The following KCNT2 variants were observed in gnomAD, a reference collection of about 807,000 sequenced individuals.
KCNT2 encodes potassium sodium-activated channel subfamily T member 2.
A neutral mutation model predicts 153.8 loss-of-function variants in KCNT2; 67 were observed. The ratio of observed to expected loss-of-function variants is 0.44; its 90% confidence interval spans 0.36 to 0.53. The LOEUF (loss-of-function observed/expected upper bound fraction) is 0.53, where lower values mean the gene tolerates loss of function less well. KCNT2 is among the 20% of genes least tolerant of loss of function. The probability of loss-of-function intolerance (pLI) is 0.00; values close to 1 mark genes in which losing one functional copy is unlikely to be tolerated. For synonymous variants in KCNT2, 500 were observed against 458.8 expected (o/e 1.09, Z -1.15); for missense variants, 975 against 1,354.8 (o/e 0.72, Z 4.40).
chr1:196,433,347 A>G (rs1674327742), intron 8 of KCNT2, among the ~76,000 whole-genome samples: 1 of 152,138 alleles, frequency 6.6e-6, no homozygotes, highest in Non-Finnish European at 1.5e-5. Flanking sequence ...GATAAACAGC[A>G]AAAACATGTT....
chr1:196,394,784 T>C (rs997940256), intron 13 of KCNT2, among the ~76,000 whole-genome samples: 7 of 151,632 alleles, frequency 4.6e-5, no homozygotes, highest in Admixed American at 1.3e-4. Flanking sequence ...CTGATGCTTA[T>C]ATCTTTTACT....
intron 8 of KCNT2, among the ~76,000 whole-genome samples, chr1:196,443,573 A>C (rs1675429817): frequency 6.6e-6 from 1 of 151,610 alleles, no homozygotes; most frequent in African/African-American, 2.4e-5. Flanking sequence ...AAGTATGAAA[A>C]TGTACTAAAG....
intron 1 of KCNT2, among the ~76,000 whole-genome samples, chr1:196,585,495 A>T (rs1662567139): frequency 6.6e-6 from 1 of 152,222 alleles, no homozygotes; most frequent in Non-Finnish European, 1.5e-5. Context: ...TCTCTTTGTC[A>T]TTCCACTCAG....
intron 14 of KCNT2, among the ~76,000 whole-genome samples, chr1:196,352,871 C>T (rs1236608060): frequency 3.9e-5 from 6 of 152,098 alleles, no homozygotes; most frequent in Non-Finnish European, 1.5e-5. Flanking sequence ...CTACACACTG[C>T]TTTGAATGTG....
intron 1 of KCNT2, among the ~76,000 whole-genome samples, chr1:196,562,222 T>C (rs1400242653): frequency 6.6e-6 from 1 of 151,876 alleles, no homozygotes; most frequent in South Asian, 2.1e-4. Context: ...TGGAATAAAA[T>C]ATTTTGATTT....
chr1:196,494,814 T>C (rs931577518), intron 1 of KCNT2, among the ~76,000 whole-genome samples: 1 of 152,170 alleles, frequency 6.6e-6, no homozygotes, highest in African/African-American at 2.4e-5. Context: ...ATTATTAAAA[T>C]GGAATGACAC....
At chr1:196,231,651 C>T (rs1653966105) in intron 27 of KCNT2, among the ~76,000 whole-genome samples, 1 of 151,754 alleles carries the variant, frequency 6.6e-6, no homozygotes, top group Non-Finnish European at 1.5e-5. Context: ...AGGAGGTGAT[C>T]CCAAATGTTG....
intron 27 of KCNT2, among the ~76,000 whole-genome samples, chr1:196,233,112 T>C (rs1433925399): frequency 6.6e-6 from 1 of 151,326 alleles, no homozygotes; most frequent in Non-Finnish European, 1.5e-5. Context: ...ATGTGAAGGG[T>C]CCAGGATGAG....
chr1:196,397,466 A>C (rs2148435720), intron 13 of KCNT2, among the ~76,000 whole-genome samples: 1 of 151,640 alleles, frequency 6.6e-6, no homozygotes, highest in Non-Finnish European at 1.5e-5. Flanking sequence ...ATTTCAGTTA[A>C]GAAATAGTCT....
chr1:196,585,671 G>A (rs186881275), intron 1 of KCNT2, among the ~76,000 whole-genome samples: 3 of 151,982 alleles, frequency 2.0e-5, no homozygotes, highest in Admixed American at 2.0e-4. Context: ...AAAGAGAATG[G>A]GATTATTTTA....
At chr1:196,504,638 T>C (rs1444296249) in intron 1 of KCNT2, among the ~76,000 whole-genome samples, 2 of 152,176 alleles carry the variant, frequency 1.3e-5, no homozygotes, top group South Asian at 2.1e-4. Context: ...TTTCTAGTTC[T>C]AGATCCCTGA....
intron 26 of KCNT2, 40 bp downstream of exon 26, chr1:196,258,154 A>G: frequency 1.3e-6 from 2 of 1,580,720 alleles, no homozygotes; most frequent in Non-Finnish European, 1.7e-6. Context: ...ATGGCAAGAA[A>G]TCACGAGTCC....
intron 12 of KCNT2, among the ~76,000 whole-genome samples, 174 bp from the exon 13 acceptor site, chr1:196,398,845 G>T (rs1671173762): frequency 1.3e-5 from 2 of 151,590 alleles, no homozygotes; most frequent in South Asian, 4.1e-4. Flanking sequence ...GGTAGTAATA[G>T]CTAATTCAAT....
intron 8 of KCNT2, among the ~76,000 whole-genome samples, chr1:196,461,139 C>T (rs1164035997): frequency 2.0e-5 from 3 of 151,734 alleles, no homozygotes; most frequent in African/African-American, 7.2e-5. Flanking sequence ...TCACTGTCCA[C>T]TTCCCAAGTA....
intron 1 of KCNT2, among the ~76,000 whole-genome samples, chr1:196,526,036 TGTGTGTGTGTGTGTGTGTGTGA>T (rs1198079398): frequency 6.6e-6 from 1 of 151,292 alleles, no homozygotes; most frequent in Non-Finnish European, 1.5e-5. Context: ...TGTGTGTGTG[TGTGTGTGTGTGTGTGTGTGTGA>T]ATCAGCACAC....
At chr1:196,607,561 A>G (rs1665457846) in intron 1 of KCNT2, among the ~76,000 whole-genome samples, 3 of 152,252 alleles carry the variant, frequency 2.0e-5, no homozygotes, top group South Asian at 2.1e-4. Flanking sequence ...AAAAGGTTGT[A>G]TCATGTTATA....
chr1:196,247,234 A>G (rs924190274), intron 26 of KCNT2, among the ~76,000 whole-genome samples: 3 of 152,214 alleles, frequency 2.0e-5, no homozygotes, highest in African/African-American at 7.2e-5. Context: ...AAAGGATGTA[A>G]CAATTGAAAA....
chr1:196,410,500 T>C (rs1672203464), intron 12 of KCNT2, among the ~76,000 whole-genome samples: 1 of 151,526 alleles, frequency 6.6e-6, no homozygotes, highest in African/African-American at 2.4e-5. Context: ...CACACAAACA[T>C]AGCACACATA....
intron 26 of KCNT2, chr1:196,257,075 A>G (rs1315888625): frequency 5.6e-6 from 1 of 177,584 alleles, no homozygotes; most frequent in Admixed American, 6.5e-5. Context: ...TGACTACAAC[A>G]CATTTTAACT....
Sources: allele counts gnomAD v4.1 joint callset (sites outside exome capture counted in the v4.1 genomes callset), GRCh38; gene constraint gnomAD v4.1.1; transcripts MANE v1.5; gene names NCBI Gene and HGNC (gene_info 2026-07-23, HGNC 2026-07-21).